Variants in ZNF492 observed in about 807,000 individuals in gnomAD.
The protein encoded by ZNF492 is zinc finger protein 115 (Y20).
A neutral mutation model predicts 6.4 loss-of-function variants in ZNF492; 3 were observed. The ratio of observed to expected loss-of-function variants is 0.47; its 90% CI spans 0.21 to 1.22. The LOEUF (loss-of-function observed/expected upper bound fraction) is 1.22. Among genes scored for constraint, ZNF492 ranks in the 50% most tolerant of loss-of-function variants. The pLI is 0.22. For synonymous variants in ZNF492, 112 were observed against 205.3 expected (o/e 0.55, Z 3.89); for missense variants, 356 against 612.5 (o/e 0.58, Z 4.42).
At chr19:22,651,340 G>A (rs917346841) in intron 1 of ZNF492, among the ~76,000 whole-genome samples, 1 of 151,974 alleles carries the variant, frequency 6.6e-6, no homozygotes, top group African/African-American at 2.4e-5. Flanking sequence ...GCTGCTTCTA[G>A]TTGGCCATCT....
At chr19:22,643,209 G>A (rs1204299296) in intron 1 of ZNF492, among the ~76,000 whole-genome samples, 1 of 152,164 alleles carries the variant, frequency 6.6e-6, no homozygotes, top group Non-Finnish European at 1.5e-5. Context: ...GGGAGGCAGA[G>A]GTTGCAGTAA....
intron 1 of ZNF492, among the ~76,000 whole-genome samples, chr19:22,643,254 A>G (rs1971846500): frequency 6.6e-6 from 1 of 152,206 alleles, no homozygotes; most frequent in African/African-American, 2.4e-5. Context: ...AGCCTGGGCA[A>G]CAGAGTGAGA....
Position 22,666,475 on chromosome 19 carries a change from G to A in ZNF492, c.*1210G>A, listed in dbSNP as rs1972130399. ...CGCAATGCTGCAATTACAGGTGTTA[G>A]CCACTGCGCCTGCCTGATGTTGTTT... On this transcript the variant is annotated 3_prime_UTR_variant, in exon 4 of 4. Coordinates refer to ENST00000456783, the MANE Select transcript of ZNF492 (RefSeq NM_020855.3). 1 of 152,174 alleles carries A rather than the reference G, an allele frequency of 6.6e-6. No homozygotes were observed. The highest frequency in any genetic ancestry group is 1.5e-5 in the Non-Finnish European group (1 of 68,044). The allele number at this position is 152,174 out of a possible 1,614,324, so 9.4% of individuals were successfully genotyped here. A position where few individuals can be genotyped will look rare whatever the true frequency, so the allele number is the denominator to read the frequency against.
chr19:22,652,115 A>T (rs1971945621), intron 1 of ZNF492, among the ~76,000 whole-genome samples: 1 of 150,796 alleles, frequency 6.6e-6, no homozygotes, highest in Admixed American at 6.6e-5. Flanking sequence ...TCTGTGACAG[A>T]TTTTTTTCTA....
In ZNF492 at chr19:22,637,616, A is replaced by G. The variant is rs559214083; in HGVS notation, c.-94+3142A>G. 1.9e-3 allele frequency among the ~76,000 whole-genome samples: 294 copies of G among 152,246 alleles called. 3 individuals carry two copies. Among genetic ancestry groups the G allele is most frequent in the Admixed American group, 2.9e-3 (44 of 15,284 alleles). On this transcript the variant is annotated intron_variant, in intron 1 of 3. Transcript: ENST00000456783. Reference sequence around the variant, plus strand: ...CAGCCATACCATATTTTCTTTATCCAGTATACAATTGATAAGCATTTAGGT... The same window carrying G: ...CAGCCATACCATATTTTCTTTATCCGGTATACAATTGATAAGCATTTAGGT...
Position 22,653,956 on chromosome 19 carries a change from T to G in ZNF492, c.71T>G (p.Leu24Arg). 6.3e-7 allele frequency: 1 copy of G among 1,595,780 alleles called. No individual in the cohort carries two copies. The highest frequency in any genetic ancestry group is 1.4e-5 in the African/African-American group (1 of 73,394). Residue 24 changes from leucine to arginine, a missense_variant, in exon 3 of 4, where the codon CTG (leucine) becomes CGG (arginine). Physicochemically the swap from Leu to Arg is moderately radical, Grantham distance 102. Coordinates refer to ENST00000456783, the MANE Select transcript of ZNF492 (RefSeq NM_020855.3). Reference protein sequence around the residue: ...AASKPDLITCLEQGKEPWNVK... With the variant: ...AASKPDLITCREQGKEPWNVK... ...TCTAAGCCAGACCTGATCACCTGTCTGGAGCAAGGAAAAGAACCTTGGAAT... is the reference window on the plus strand; with the variant it reads ...TCTAAGCCAGACCTGATCACCTGTCGGGAGCAAGGAAAAGAACCTTGGAAT...
chr19:22,650,972 G>A (rs1971933891), intron 1 of ZNF492, among the ~76,000 whole-genome samples: 1 of 152,214 alleles, frequency 6.6e-6, no homozygotes, highest in South Asian at 2.1e-4. Context: ...GGCTTAAGCA[G>A]ATTTTAGCTG....
Position 22,665,628 on chromosome 19 carries a change from A to C in ZNF492, c.*363A>C, listed in dbSNP as rs1599405121. The C allele has an allele frequency of 1.8e-5, 4 of 221,842 alleles. No individual in the cohort carries two copies. In the South Asian group the frequency reaches 2.8e-4, roughly 15 times the overall value. 13.7% of individuals were successfully genotyped at this position (221,842 alleles called of 1,614,324 possible). A position where few individuals can be genotyped will look rare whatever the true frequency, so the allele number is the denominator to read the frequency against. On this transcript the variant is annotated 3_prime_UTR_variant, in exon 4 of 4. Coordinates refer to ENST00000456783, the MANE Select transcript of ZNF492 (RefSeq NM_020855.3). ...CGAAGTTGTGGTAACTTTACTTGTA[A>C]CACAGATCTTGTTGTATTCATTCTG...
chr19:22,652,228 T>TGCA lies in ZNF492; in HGVS notation c.-93-1079_-93-1078insGCA, dbSNP rs1568354745. ...CAGCTGACCTTTCTTAGGCTTTTTT[T>TGCA]TTTTTTTTTTGAGACGGAGTCTCGC... On this transcript the variant is annotated intron_variant, in intron 1 of 3. Coordinates refer to ENST00000456783, the MANE Select transcript of ZNF492 (RefSeq NM_020855.3). Among the ~76,000 whole-genome samples, 336 of 117,742 alleles carry TGCA rather than the reference T, an allele frequency of 2.9e-3. 1 individual carries two copies. The highest frequency in any genetic ancestry group is 0.016 in the Middle Eastern group (4 of 254). 77.2% of individuals were successfully genotyped at this position (117,742 alleles called of 152,430 possible). A position where few individuals can be genotyped will look rare whatever the true frequency, so the allele number is the denominator to read the frequency against.
chr19:22,635,801 T>G (rs1046539610), intron 1 of ZNF492, among the ~76,000 whole-genome samples: 6 of 152,248 alleles, frequency 3.9e-5, no homozygotes, highest in African/African-American at 1.4e-4. Flanking sequence ...TCATTTTCTT[T>G]CGTAGGACAA....
chr19:22,664,550 C>T lies in ZNF492; in HGVS notation c.881C>T (p.Ser294Leu). 1.9e-6 allele frequency: 3 copies of T among 1,583,624 alleles called. No homozygotes were observed. The highest frequency in any genetic ancestry group is 2.6e-6 in the Non-Finnish European group (3 of 1,166,384). Reference sequence around the variant, plus strand: ...TGTGGCAAAGCTTTTAGCCAGTCCTCAACCCTTACTACACATAAGATAATT... The same window carrying T: ...TGTGGCAAAGCTTTTAGCCAGTCCTTAACCCTTACTACACATAAGATAATT... ...EECGKAFSQSSTLTTHKIIHT... is the reference protein window; with the variant it reads ...EECGKAFSQSLTLTTHKIIHT... Residue 294 changes from serine (S) to leucine (L), a missense_variant, in exon 4 of 4, where the codon TCA (serine) becomes TTA (leucine). Physicochemically the swap from Ser to Leu is moderately radical, Grantham distance 145. This residue lies in a region of ZNF492 where 29 missense variants were observed against 56.8 expected (regional missense o/e 0.51). Transcript: ENST00000456783.
At chr19:22,659,359 T>C (rs1972030886) in intron 3 of ZNF492, among the ~76,000 whole-genome samples, 3 of 151,320 alleles carry the variant, frequency 2.0e-5, no homozygotes, top group Admixed American at 6.6e-5. Flanking sequence ...TGTCCTGGTG[T>C]TGAGGGGTGT....
Position 22,663,798 on chromosome 19 carries a change from A to T in ZNF492, c.131-2A>T, listed in dbSNP as rs1042194438. 6.7e-7 allele frequency: 1 copy of T among 1,495,332 alleles called. No homozygotes were observed. Among genetic ancestry groups the T allele is most frequent in the Admixed American group, 2.5e-5 (1 of 39,518 alleles). The allele number at this position is 1,495,332 out of a possible 1,614,324, so 92.6% of individuals were successfully genotyped here. A position where few individuals can be genotyped will look rare whatever the true frequency, so the allele number is the denominator to read the frequency against. On this transcript the variant is annotated splice_acceptor_variant, in intron 3 of 3. Transcript: ENST00000456783. LOFTEE classifies it high-confidence loss of function. ...GTAATTTATTATTTTTATTTCTTTC[A>T]GTTGTATGTTCTTATTTTGCCCGAG...
chr19:22,637,450 G>T (rs1272579030), intron 1 of ZNF492, among the ~76,000 whole-genome samples: 2 of 151,940 alleles, frequency 1.3e-5, no homozygotes, highest in Non-Finnish European at 2.9e-5. Context: ...ACACCACCAG[G>T]CCTGGCTAAT....
At chr19:22,650,388 C>CA (rs1971927395) in intron 1 of ZNF492, among the ~76,000 whole-genome samples, 1 of 151,660 alleles carries the variant, frequency 6.6e-6, no homozygotes, top group Non-Finnish European at 1.5e-5. Flanking sequence ...GTATCTCACC[C>CA]AGTTGGGTGG....
rs201831166 is a variant in ZNF492, at chr19:22,655,675, A to ATT, written c.130+1678_130+1679dup. On this transcript the variant is annotated intron_variant, in intron 3 of 3. Transcript: ENST00000456783. ...ATTTGTCTTCAATTTCAGTGACTTA[A>ATT]TTTTTTTTTTTTTTTTTTTACTTAT... 6.8e-3 allele frequency among the ~76,000 whole-genome samples: 746 copies of ATT among 109,404 alleles called. 36 individuals are homozygous for ATT. The highest frequency in any genetic ancestry group is 0.023 in the African/African-American group (554 of 24,596). The allele number at this position is 109,404 out of a possible 152,430, so 71.8% of individuals were successfully genotyped here.
chr19:22,646,093 C>T (rs748863061), intron 1 of ZNF492, among the ~76,000 whole-genome samples: 14 of 151,990 alleles, frequency 9.2e-5, no homozygotes, highest in Admixed American at 2.6e-4. Context: ...TAACATTGAG[C>T]CCATAAATTA....
chr19:22,654,934 A>T (rs34563787), intron 3 of ZNF492, among the ~76,000 whole-genome samples: 16,662 of 151,070 alleles, frequency 0.11, 974 homozygotes, highest in Middle Eastern at 0.16. Context: ...TAAAAAAAAA[A>T]TACTGGAATT....
Position 22,655,813 on chromosome 19 carries a change from GTTGTTTTTTT to G in ZNF492, c.130+1801_130+1810del, listed in dbSNP as rs1265288395. On this transcript the variant is annotated intron_variant, in intron 3 of 3. Coordinates refer to ENST00000456783, the MANE Select transcript of ZNF492 (RefSeq NM_020855.3). Reference sequence around the variant, plus strand: ...GCAAACACCTCTTCAAGTTTTTCTTGTTGTTTTTTTTTTTTTTTTTTTTTTTTTTGAGACA... The same window carrying G: ...GCAAACACCTCTTCAAGTTTTTCTTGTTTTTTTTTTTTTTTTTTTGAGACA... 3.4e-3 allele frequency among the ~76,000 whole-genome samples: 223 copies of G among 64,886 alleles called. 6 individuals are homozygous for G. In the Middle Eastern group the frequency reaches 0.061, roughly 18 times the overall value. The allele number at this position is 64,886 out of a possible 152,430, so 42.6% of individuals were successfully genotyped here. A position where few individuals can be genotyped will look rare whatever the true frequency, so the allele number is the denominator to read the frequency against.
Sources: gnomAD v4.1 joint callset for allele counts (sites outside exome capture counted in the v4.1 genomes callset) on GRCh38, gnomAD v4.1.1 for gene constraint, gnomAD v4.1.1 regional missense constraint, MANE v1.5 for transcripts, NCBI Gene and HGNC (gene_info 2026-07-23, HGNC 2026-07-21) for gene names.